Variants in UNC5C observed in about 807,000 individuals in gnomAD.
The protein encoded by UNC5C is netrin receptor UNC5C.
In UNC5C, 47 loss-of-function variants were observed where a neutral mutation model predicts 99.8. The observed-to-expected ratio is 0.47, with a 90% CI of 0.37 to 0.60. The LOEUF (loss-of-function observed/expected upper bound fraction) is 0.60. UNC5C is among the 20% of genes least tolerant of loss of function. The probability of loss-of-function intolerance (pLI) is 0.00; values close to 1 mark genes in which losing one functional copy is unlikely to be tolerated. For synonymous variants in UNC5C, 487 were observed against 452.2 expected, an observed-to-expected ratio of 1.08 and a Z score of -0.98; for missense variants, 1,062 against 1,165.9, an observed-to-expected ratio of 0.91 and a Z score of 1.30.
chr4:95,466,271 G>GC (rs1256460232), intron 1 of UNC5C, among the ~76,000 whole-genome samples: 1 of 152,114 alleles, frequency 6.6e-6, no homozygotes, highest in Non-Finnish European at 1.5e-5. Flanking sequence ...TGGGGATACT[G>GC]CCTTACCCAA....
chr4:95,455,374 A>G (rs1747398870), intron 1 of UNC5C, among the ~76,000 whole-genome samples: 1 of 152,124 alleles, frequency 6.6e-6, no homozygotes, highest in Non-Finnish European at 1.5e-5. Flanking sequence ...AAAACCATTA[A>G]GCATGCAATT....
intron 11 of UNC5C, among the ~76,000 whole-genome samples, chr4:95,204,296 A>G (rs1036309119): frequency 6.6e-6 from 1 of 152,248 alleles, no homozygotes; most frequent in African/African-American, 2.4e-5. Context: ...AGGCCACAGA[A>G]TATATCAGCT....
intron 1 of UNC5C, among the ~76,000 whole-genome samples, chr4:95,517,466 C>G (rs1722247320): frequency 6.6e-6 from 1 of 152,054 alleles, no homozygotes; most frequent in Non-Finnish European, 1.5e-5. Context: ...CACATATACA[C>G]AAAACTAAAA....
At position 95,367,911 on chromosome 4, in the gene UNC5C, CAT is replaced by C. The variant is rs377215848; in HGVS notation, c.125-32282_125-32281del. ...TGTTAGCAATGAAATACAAATAAGACATGTGGAAAATTATTTTACATTATCTT... is the reference window on the plus strand; with the variant it reads ...TGTTAGCAATGAAATACAAATAAGACGTGGAAAATTATTTTACATTATCTT... On this transcript the variant is annotated intron_variant, in intron 1 of 15. Transcript: ENST00000453304. Among the ~76,000 whole-genome samples the C allele has an allele frequency of 2.2e-3, 341 of 152,200 alleles. 2 individuals carry two copies. The highest frequency in any genetic ancestry group is 7.8e-3 in the African/African-American group (322 of 41,522).
chr4:95,266,415 A>G (rs1740449473), intron 4 of UNC5C, among the ~76,000 whole-genome samples: 1 of 152,224 alleles, frequency 6.6e-6, no homozygotes, highest in Non-Finnish European at 1.5e-5. Context: ...TTTATTAACG[A>G]ATATGAATGA....
chr4:95,269,458 T>G (rs968942464), intron 4 of UNC5C, among the ~76,000 whole-genome samples: 10 of 152,138 alleles, frequency 6.6e-5, no homozygotes, highest in African/African-American at 2.2e-4. Flanking sequence ...ATTTTTATTT[T>G]TTTATTTTTT....
At chr4:95,496,019 C>T (rs72876463) in intron 1 of UNC5C, among the ~76,000 whole-genome samples, 21,087 of 151,604 alleles carry the variant, frequency 0.14, 1,830 homozygotes, top group African/African-American at 0.24. Context: ...GTTATCCTAT[C>T]TACATGGCAC....
chr4:95,297,653 G>C (rs1741708958), intron 3 of UNC5C, among the ~76,000 whole-genome samples: 1 of 152,174 alleles, frequency 6.6e-6, no homozygotes, highest in African/African-American at 2.4e-5. Flanking sequence ...TCCTCCCTCT[G>C]TGAGGCAGGA....
At chr4:95,504,029 C>G (rs1282987235) in intron 1 of UNC5C, among the ~76,000 whole-genome samples, 1 of 152,130 alleles carries the variant, frequency 6.6e-6, no homozygotes, top group African/African-American at 2.4e-5. Context: ...TATGTAATAT[C>G]ACTAAGAATC....
At chr4:95,238,020 G>C (rs953079505) in intron 7 of UNC5C, among the ~76,000 whole-genome samples, 3 of 150,650 alleles carry the variant, frequency 2.0e-5, no homozygotes, top group Admixed American at 6.6e-5. Flanking sequence ...CCTGGCGACA[G>C]AGCAAGACTC....
At chr4:95,376,225 A>G (rs547198423) in intron 1 of UNC5C, among the ~76,000 whole-genome samples, 94 of 66,432 alleles carry the variant, frequency 1.4e-3, no homozygotes, top group African/African-American at 0.011. Flanking sequence ...ATACATATAT[A>G]TCTTATGTGT....
At chr4:95,384,106 C>G (rs565797686) in intron 1 of UNC5C, among the ~76,000 whole-genome samples, 21 of 152,266 alleles carry the variant, frequency 1.4e-4, no homozygotes, top group African/African-American at 4.8e-4. Flanking sequence ...AAAGTAATAA[C>G]TAGGATGCTA....
At chr4:95,462,581 T>A (rs940730557) in intron 1 of UNC5C, among the ~76,000 whole-genome samples, 1 of 152,146 alleles carries the variant, frequency 6.6e-6, no homozygotes, top group African/African-American at 2.4e-5. Context: ...TAATTCGGTT[T>A]TAAGGGAAAG....
At chr4:95,338,647 A>C (rs1743438674) in intron 1 of UNC5C, among the ~76,000 whole-genome samples, 1 of 152,082 alleles carries the variant, frequency 6.6e-6, no homozygotes, top group African/African-American at 2.4e-5. Flanking sequence ...ACTCTTTGAA[A>C]GCAGGGACTA....
At chr4:95,333,492 G>A (rs1743204927) in intron 2 of UNC5C, among the ~76,000 whole-genome samples, 1 of 149,060 alleles carries the variant, frequency 6.7e-6, no homozygotes, top group African/African-American at 2.5e-5. Context: ...AACACCACAT[G>A]TTCTCACTCA....
At chr4:95,396,776 T>C (rs1025879229) in intron 1 of UNC5C, among the ~76,000 whole-genome samples, 2 of 152,176 alleles carry the variant, frequency 1.3e-5, no homozygotes, top group Admixed American at 1.3e-4. Flanking sequence ...ACTTTTCATT[T>C]TAACAAAGTT....
chr4:95,192,508 C>T (rs1369545434), intron 12 of UNC5C, among the ~76,000 whole-genome samples: 3 of 145,734 alleles, frequency 2.1e-5, no homozygotes, highest in Non-Finnish European at 4.5e-5. Flanking sequence ...ACCTCTCCTC[C>T]CCTGCTCACC....
At chr4:95,325,423 TA>T (rs1208410352) in intron 2 of UNC5C, among the ~76,000 whole-genome samples, 1 of 152,156 alleles carries the variant, frequency 6.6e-6, no homozygotes, top group African/African-American at 2.4e-5. Context: ...AAGCAAGACT[TA>T]AAACAGAAGG....
intron 7 of UNC5C, among the ~76,000 whole-genome samples, chr4:95,229,797 C>CTTTTTTTTT (rs71583694): frequency 1.3e-4 from 10 of 79,552 alleles, no homozygotes; most frequent in Non-Finnish European, 1.4e-4. Context: ...CTGTTGTTTC[C>CTTTTTTTTT]TTTTTTTTTT....
Sources: gnomAD v4.1 joint callset for allele counts (sites outside exome capture counted in the v4.1 genomes callset) on GRCh38, gnomAD v4.1.1 for gene constraint, MANE v1.5 for transcripts, NCBI Gene and HGNC (gene_info 2026-07-23, HGNC 2026-07-21) for gene names.